The following SLC25A48 variants were observed in gnomAD, a reference collection of about 807,000 sequenced individuals.
SLC25A48 encodes solute carrier family 25 member 48.
Under a neutral mutation model 32.2 loss-of-function variants are expected in SLC25A48, and 29 were observed. The observed-to-expected ratio is 0.90, with a 90% CI of 0.67 to 1.23. The LOEUF is 1.23. Among genes scored for constraint, SLC25A48 ranks in the 50% most tolerant of loss-of-function variants. The pLI is 0.00. For synonymous variants in SLC25A48, 164 were observed against 172.3 expected (o/e 0.95, Z 0.38); for missense variants, 399 against 422.7 (o/e 0.94, Z 0.49).
chr5:135,719,063 A>G (rs1206051305), intron 3 of SLC25A48, among the ~76,000 whole-genome samples: 2 of 152,244 alleles, frequency 1.3e-5, no homozygotes, highest in African/African-American at 4.8e-5. Context: ...ACAAGATGTT[A>G]TCACTGAGGA....
intron 1 of SLC25A48, among the ~76,000 whole-genome samples, chr5:135,838,986 G>GA (rs1296925423): frequency 1.3e-5 from 2 of 152,222 alleles, no homozygotes; most frequent in African/African-American, 4.8e-5. Context: ...CCAGACCACA[G>GA]AATGGTAGAT....
chr5:135,681,074 C>G (rs1364927519), intron 3 of SLC25A48, among the ~76,000 whole-genome samples: 1 of 152,170 alleles, frequency 6.6e-6, no homozygotes, highest in Non-Finnish European at 1.5e-5. Flanking sequence ...CAACCTCTGC[C>G]TCCCATGTTC....
At position 135,746,904 on chromosome 5, in the gene SLC25A48, C is replaced by T. The variant is rs975293243; in HGVS notation, c.-520-65619C>T. On this transcript the variant is annotated intron_variant, in intron 3 of 10. Transcript: ENST00000646290. Reference sequence around the variant, plus strand: ...ATTGATAATTTTGACAGCTCCAGACCCGTTGTCTTATAGAATATCCCATAA... The same window carrying T: ...ATTGATAATTTTGACAGCTCCAGACTCGTTGTCTTATAGAATATCCCATAA... Among the ~76,000 whole-genome samples the T allele has an allele frequency of 3.3e-5, 5 of 152,152 alleles. No individual in the cohort carries two copies. In the East Asian group the frequency reaches 9.6e-4, roughly 29 times the overall value.
intron 3 of SLC25A48, chr5:135,742,668 G>C (rs1234849913): frequency 1.8e-6 from 1 of 548,230 alleles, no homozygotes; most frequent in Non-Finnish European, 3.3e-6. Context: ...GCTAGGAAGA[G>C]CTAAGTCCTA....
chr5:135,887,011 C>T (rs1181877118), intron 7 of SLC25A48, among the ~76,000 whole-genome samples: 1 of 151,980 alleles, frequency 6.6e-6, no homozygotes, highest in Non-Finnish European at 1.5e-5. Flanking sequence ...TCCTCAACAG[C>T]AGCCCCTTTC....
At chr5:135,584,805 G>T (rs1751324136) in intron 1 of SLC25A48, among the ~76,000 whole-genome samples, 2 of 152,204 alleles carry the variant, frequency 1.3e-5, no homozygotes, top group African/African-American at 4.8e-5. Context: ...AAAAACACAA[G>T]GTTGTGTAAA....
rs972711021 is a variant in SLC25A48, at chr5:135,611,317, C to T, written c.-848-17920C>T. 4.0e-5 allele frequency among the ~76,000 whole-genome samples: 6 copies of T among 151,596 alleles called. No individual in the cohort carries two copies. In the East Asian group the frequency reaches 9.7e-4, roughly 25 times the overall value. On this transcript the variant is annotated intron_variant, in intron 1 of 10. Coordinates refer to the SLC25A48 transcript ENST00000646290. The stretch of plus-strand genomic sequence containing the variant: ...TTGAGGCCAGGAGTTCAAGACCAGC[C>T]TGGCCAACATGGCGAAACCTTGTTT...
intron 3 of SLC25A48, among the ~76,000 whole-genome samples, chr5:135,744,562 C>A (rs1241139662): frequency 6.9e-6 from 1 of 145,774 alleles, no homozygotes; most frequent in Non-Finnish European, 1.5e-5. Flanking sequence ...GTCTTGAACT[C>A]CTGACCTCAA....
chr5:135,632,504 C>T (rs1235278696), intron 2 of SLC25A48, among the ~76,000 whole-genome samples: 1 of 152,132 alleles, frequency 6.6e-6, no homozygotes, highest in Non-Finnish European at 1.5e-5. Flanking sequence ...AAGGAGAAGT[C>T]TAGTTTCTGG....
At chr5:135,733,823 AAGGATTT>A (rs1477220093) in intron 3 of SLC25A48, among the ~76,000 whole-genome samples, 1 of 152,012 alleles carries the variant, frequency 6.6e-6, no homozygotes, top group Non-Finnish European at 1.5e-5. Context: ...GGAGTGGGGA[AAGGATTT>A]AGGATTTATG....
At chr5:135,791,235 G>A (rs1014513319) in intron 3 of SLC25A48, among the ~76,000 whole-genome samples, 2 of 151,668 alleles carry the variant, frequency 1.3e-5, no homozygotes, top group Non-Finnish European at 2.9e-5. Flanking sequence ...AATATCCTAG[G>A]TGATATTATG....
Position 135,779,512 on chromosome 5 carries a change from G to T in SLC25A48, c.-520-33011G>T, listed in dbSNP as rs1335571077. On this transcript the variant is annotated intron_variant, in intron 3 of 10. Transcript: ENST00000646290. ...GGATGATATTACTCCCAATATTGCAGGGGGTGTACATGCCCCCCTGTGATA... is the reference window on the plus strand; with the variant it reads ...GGATGATATTACTCCCAATATTGCATGGGGTGTACATGCCCCCCTGTGATA... Among the ~76,000 whole-genome samples the T allele has an allele frequency of 2.5e-5, 3 of 121,572 alleles. 1 individual carries two copies. Among genetic ancestry groups the T allele is most frequent in the Admixed American group, 2.5e-4 (3 of 12,238 alleles). 79.8% of individuals were successfully genotyped at this position (121,572 alleles called of 152,430 possible).
chr5:135,734,599 G>T (rs1236486042), intron 3 of SLC25A48, among the ~76,000 whole-genome samples: 1 of 151,826 alleles, frequency 6.6e-6, no homozygotes, highest in Non-Finnish European at 1.5e-5. Flanking sequence ...AGGCTGAGGC[G>T]GGTGGATCAC....
chr5:135,846,540 C>T (rs1283713949), intron 2 of SLC25A48, among the ~76,000 whole-genome samples: 1 of 152,168 alleles, frequency 6.6e-6, no homozygotes, highest in African/African-American at 2.4e-5. Flanking sequence ...GCTTCAGCCA[C>T]CTCACCTCTG....
intron 1 of SLC25A48, among the ~76,000 whole-genome samples, chr5:135,581,084 G>A (rs1357818327): frequency 6.6e-6 from 1 of 152,186 alleles, no homozygotes; most frequent in East Asian, 1.9e-4. Context: ...GTGAGATGGA[G>A]ATGATAATAA....
chr5:135,608,235 G>A (rs1317161753), intron 1 of SLC25A48, among the ~76,000 whole-genome samples: 1 of 152,140 alleles, frequency 6.6e-6, no homozygotes, highest in Non-Finnish European at 1.5e-5. Context: ...ATATGCTCAA[G>A]ACTATCTTGA....
intron 3 of SLC25A48, among the ~76,000 whole-genome samples, chr5:135,739,046 C>T (rs755644948): frequency 2.8e-4 from 42 of 152,148 alleles, no homozygotes; most frequent in South Asian, 6.2e-4. Flanking sequence ...CATACCACTG[C>T]ACTCCAGCCT....
At chr5:135,810,557 A>G (rs1249808549) in intron 3 of SLC25A48, among the ~76,000 whole-genome samples, 3 of 152,192 alleles carry the variant, frequency 2.0e-5, no homozygotes, top group African/African-American at 7.2e-5. Context: ...ACTGTTGTCA[A>G]GTATCTATTA....
At chr5:135,776,607 T>C (rs1169857331) in intron 3 of SLC25A48, among the ~76,000 whole-genome samples, 2 of 151,716 alleles carry the variant, frequency 1.3e-5, no homozygotes, top group African/African-American at 2.4e-5. Context: ...TTACTCCTAA[T>C]ATCGCAGGGG....
Sources: gnomAD v4.1 joint callset for allele counts (sites outside exome capture counted in the v4.1 genomes callset) on GRCh38, gnomAD v4.1.1 for gene constraint, MANE v1.5 for transcripts, NCBI Gene and HGNC (gene_info 2026-07-23, HGNC 2026-07-21) for gene names.